Variants in ASTN1 observed in about 807,000 individuals in gnomAD.
ASTN1 encodes the protein astrotactin-1.
In ASTN1, 41 loss-of-function variants were observed where a neutral mutation model predicts 140.7. The ratio of observed to expected loss-of-function variants is 0.29; its 90% confidence interval spans 0.23 to 0.38. The LOEUF (loss-of-function observed/expected upper bound fraction) is 0.38. Ranked by LOEUF, ASTN1 falls within the 10% of genes least tolerant of loss-of-function variation. The pLI, the probability that ASTN1 is intolerant of heterozygous loss-of-function variation, is 1.00. For synonymous variants in ASTN1, 640 were observed against 652.2 expected (o/e 0.98, Z 0.29); for missense variants, 1,479 against 1,678.8 (o/e 0.88, Z 2.08).
At chr1:176,981,794 T>A (rs1489984052) in intron 8 of ASTN1, 1 of 152,656 alleles carries the variant, frequency 6.6e-6, no homozygotes, top group Non-Finnish European at 1.5e-5. Flanking sequence ...GAGGAAAACA[T>A]TTGAACTAAG....
intron 20 of ASTN1, among the ~76,000 whole-genome samples, chr1:176,878,074 C>T (rs1668637051): frequency 1.3e-5 from 2 of 152,198 alleles, no homozygotes; most frequent in Admixed American, 6.5e-5. Context: ...TCTACCTTCT[C>T]CAAATTATCA....
intron 19 of ASTN1, among the ~76,000 whole-genome samples, chr1:176,883,618 C>T (rs1310777209): frequency 6.6e-6 from 1 of 152,236 alleles, no homozygotes; most frequent in Non-Finnish European, 1.5e-5. Context: ...CGGTAGGCAG[C>T]TCTCTATGCC....
chr1:176,916,965 G>C (rs1189402837), intron 16 of ASTN1, among the ~76,000 whole-genome samples: 1 of 152,058 alleles, frequency 6.6e-6, no homozygotes, highest in Non-Finnish European at 1.5e-5. Flanking sequence ...TAGCCAGGTG[G>C]ACAGCACTTT....
chr1:177,012,294 T>C (rs975092820), intron 8 of ASTN1, among the ~76,000 whole-genome samples: 1 of 152,172 alleles, frequency 6.6e-6, no homozygotes, highest in Admixed American at 6.5e-5. Flanking sequence ...TGGCATCTTA[T>C]ACTTTTCACT....
chr1:177,118,944 T>C (rs990095310), intron 1 of ASTN1, among the ~76,000 whole-genome samples: 7 of 152,132 alleles, frequency 4.6e-5, no homozygotes, highest in African/African-American at 1.7e-4. Flanking sequence ...TTGATTTCTT[T>C]TATGCTTAAT....
chr1:176,862,500 T>G lies in ASTN1; in HGVS notation c.*1784A>C, dbSNP rs557470569. On this transcript the variant is annotated 3_prime_UTR_variant, in exon 23 of 23. Transcript: ENST00000361833. ...GATGCTTGGGAAAGGTAAAGCTCTC[T>G]GGGCAGGTTCCCTGTGGGGCTGAGA... The G allele has an allele frequency of 5.1e-4, 499 of 985,446 alleles. No individual in the cohort carries two copies. The highest frequency in any genetic ancestry group is 9.9e-4 in the South Asian group (21 of 21,286). The allele number at this position is 985,446 out of a possible 1,614,324, so 61.0% of individuals were successfully genotyped here.
intron 1 of ASTN1, among the ~76,000 whole-genome samples, chr1:177,069,735 G>A (rs553089524): frequency 6.6e-6 from 1 of 152,144 alleles, no homozygotes; most frequent in East Asian, 1.9e-4. Flanking sequence ...GGAGGCATTC[G>A]AATGACTTGT....
intron 8 of ASTN1, among the ~76,000 whole-genome samples, chr1:176,993,365 G>A (rs571672734): frequency 6.6e-6 from 1 of 152,184 alleles, no homozygotes; most frequent in Admixed American, 6.5e-5. Flanking sequence ...CTATATGTGG[G>A]TGCTATGGAA....
intron 1 of ASTN1, among the ~76,000 whole-genome samples, chr1:177,147,397 C>G (rs947680824): frequency 1.3e-5 from 2 of 152,090 alleles, no homozygotes; most frequent in South Asian, 2.1e-4. Flanking sequence ...ACACAGATAA[C>G]TAAGAAACTG....
chr1:176,936,849 A>T (rs1413935658), intron 14 of ASTN1, among the ~76,000 whole-genome samples: 4 of 152,094 alleles, frequency 2.6e-5, no homozygotes. Context: ...TTCAATTCGG[A>T]TTTCTACCAG....
At chr1:176,901,276 C>G (rs1669754215) in intron 16 of ASTN1, among the ~76,000 whole-genome samples, 1 of 152,208 alleles carries the variant, frequency 6.6e-6, no homozygotes, top group African/African-American at 2.4e-5. Context: ...ACAAACACAT[C>G]TCAAAGATCA....
At chr1:176,965,800 C>G (rs984108786) in intron 8 of ASTN1, among the ~76,000 whole-genome samples, 15 of 152,160 alleles carry the variant, frequency 9.9e-5, no homozygotes, top group Admixed American at 9.2e-4. Flanking sequence ...AACATGTTTT[C>G]TTTTCTTATT....
intron 1 of ASTN1, among the ~76,000 whole-genome samples, chr1:177,134,940 T>C (rs552917550): frequency 6.6e-6 from 1 of 152,184 alleles, no homozygotes; most frequent in African/African-American, 2.4e-5. Context: ...AAAGACATTA[T>C]AGCAGATGAA....
In ASTN1 at chr1:176,884,387, G is replaced by A. The variant is rs773275290; in HGVS notation, c.3178C>T (p.Arg1060Cys). The A allele has an allele frequency of 1.2e-5, 20 of 1,614,158 alleles. No individual in the cohort carries two copies. The highest frequency in any genetic ancestry group is 4.0e-5 in the African/African-American group (3 of 75,026). The stretch of plus-strand genomic sequence containing the variant: ...ATCCTGTCAGTGACTTTCTCTTGAC[G>A]GAGGAGGTAATCTACAATCTGCACC... ...IGVQIVDYLL[R>C]QEKVTDRMDH... The change falls in exon 19 of 23, where the codon CGT (arginine) becomes TGT (cysteine). Residue 1060 changes from arginine (R) to cysteine (C), a missense_variant. This residue lies in a region of ASTN1 where 746 missense variants were observed against 800.9 expected (regional missense o/e 0.93). Coordinates refer to ENST00000361833, the MANE Select transcript of ASTN1 (RefSeq NM_004319.3).
intron 2 of ASTN1, among the ~76,000 whole-genome samples, chr1:177,043,441 A>G (rs1299480583): frequency 6.6e-6 from 1 of 152,234 alleles, no homozygotes; most frequent in Non-Finnish European, 1.5e-5. Context: ...TTAGAACCCA[A>G]AAGATGACAA....
chr1:177,148,409 C>T (rs1419422413), intron 1 of ASTN1, among the ~76,000 whole-genome samples: 1 of 147,454 alleles, frequency 6.8e-6, no homozygotes, highest in African/African-American at 2.5e-5. Context: ...AAGAGCAAGA[C>T]TCCGTCTCAA....
chr1:177,064,188 G>T (rs2102039707), intron 1 of ASTN1, among the ~76,000 whole-genome samples: 1 of 152,256 alleles, frequency 6.6e-6, no homozygotes, highest in Non-Finnish European at 1.5e-5. Flanking sequence ...TCATCTCAGA[G>T]CATGCACAGA....
chr1:176,922,987 C>A (rs1206079659), intron 16 of ASTN1, among the ~76,000 whole-genome samples: 1 of 151,966 alleles, frequency 6.6e-6, no homozygotes, highest in Admixed American at 6.6e-5. Flanking sequence ...ACCTTGTATC[C>A]AATCCTGGTA....
chr1:176,864,353 G>A lies in ASTN1; in HGVS notation c.3816C>T (p.Leu1272=). 6.2e-7 allele frequency: 1 copy of A among 1,614,126 alleles called. No homozygotes were observed. The highest frequency in any genetic ancestry group is 8.5e-7 in the Non-Finnish European group (1 of 1,180,016). The change falls in exon 23 of 23, where the codon CTC becomes CTT. Residue 1272 remains leucine (L), a synonymous_variant. Transcript: ENST00000361833. The part of the protein sequence containing the change: ...GLDWAELSRD[L]RKTCEEQTLS... ...GGGTCTGCTCCTCACACGTCTTCCTGAGGTCCCGGCTGAGCTCCGCCCAGT... is the reference window on the plus strand; with the variant it reads ...GGGTCTGCTCCTCACACGTCTTCCTAAGGTCCCGGCTGAGCTCCGCCCAGT...
Sources: allele counts gnomAD v4.1 joint callset (sites outside exome capture counted in the v4.1 genomes callset), GRCh38; gene constraint gnomAD v4.1.1; regional missense constraint gnomAD v4.1.1; transcripts MANE v1.5; gene names NCBI Gene and HGNC (gene_info 2026-07-23, HGNC 2026-07-21).